SYNE1: variants seen among roughly 807,000 people sequenced by gnomAD.
SYNE1 encodes the protein spectrin repeat containing nuclear envelope protein 1.
SYNE1 carries 616 observed loss-of-function variants against 1,111.0 expected under a neutral mutation model. That is an observed-to-expected ratio of 0.55 (90% CI 0.52 to 0.59). The LOEUF is 0.59. Among genes scored for constraint, SYNE1 ranks in the 20% least tolerant of loss-of-function variants. The probability of loss-of-function intolerance (pLI) is 0.00; values close to 1 mark genes in which losing one functional copy is unlikely to be tolerated. For synonymous variants in SYNE1, 3,855 were observed against 3,825.8 expected, an observed-to-expected ratio of 1.01 and a Z score of -0.28; for missense variants, 10,006 against 10,417.0, an observed-to-expected ratio of 0.96 and a Z score of 1.72.
Position 152,139,827 on chromosome 6 carries a change from A to T in SYNE1, c.25458+123T>A, listed in dbSNP as rs2058164582. ...GGAGGTGAGGAGAGCATTCTCACTCATTTTTGTTAGATCCCTTTTCTGCTG... is the reference window on the plus strand; with the variant it reads ...GGAGGTGAGGAGAGCATTCTCACTCTTTTTTGTTAGATCCCTTTTCTGCTG... On this transcript the variant is annotated intron_variant, in intron 140 of 145. Transcript: ENST00000367255. The T allele has an allele frequency of 3.0e-6, 3 of 1,000,944 alleles. No individual in the cohort carries two copies. The Admixed American group carries it at 5.9e-5, about 20-fold the overall frequency. The allele number at this position is 1,000,944 out of a possible 1,614,324, so 62.0% of individuals were successfully genotyped here. A position where few individuals can be genotyped will look rare whatever the true frequency, so the allele number is the denominator to read the frequency against.
chr6:152,419,629 T>A lies in SYNE1; in HGVS notation c.5361A>T (p.Glu1787Asp). The A allele has an allele frequency of 6.2e-7, 1 of 1,613,712 alleles. No individual in the cohort carries two copies. The highest frequency in any genetic ancestry group is 8.5e-7 in the Non-Finnish European group (1 of 1,179,930). The change falls in exon 40 of 146, where the codon GAA (glutamate) becomes GAT (aspartate). Residue 1787 changes from glutamate (E) to aspartate (D), a missense_variant. Glu to Asp is a conservative substitution (Grantham distance 45). Coordinates refer to ENST00000367255, the MANE Select transcript of SYNE1 (RefSeq NM_182961.4). ...FSVWIKLFLSELQTTSEISIM... is the reference protein window; with the variant it reads ...FSVWIKLFLSDLQTTSEISIM... ...TGCTAATCTCAGAGGTAGTTTGTAATTCACTGAGAAACAGTTTAATCCAGA... is the reference window on the plus strand; with the variant it reads ...TGCTAATCTCAGAGGTAGTTTGTAAATCACTGAGAAACAGTTTAATCCAGA...
intron 3 of SYNE1, among the ~76,000 whole-genome samples, chr6:152,591,527 T>G (rs1263689928): frequency 1.3e-5 from 2 of 152,154 alleles, no homozygotes; most frequent in African/African-American, 2.4e-5. Context: ...TATTAAAGAT[T>G]TAAATGTAAG....
chr6:152,535,921 T>A (rs1055001005), intron 4 of SYNE1, among the ~76,000 whole-genome samples: 2 of 152,134 alleles, frequency 1.3e-5, no homozygotes, highest in Non-Finnish European at 1.5e-5. Context: ...TAACATAACT[T>A]CTTTGCCTAA....
Position 152,412,851 on chromosome 6 carries a change from A to ATTTTTT in SYNE1, c.6230+495_6230+500dup, listed in dbSNP as rs373723820. Among the ~76,000 whole-genome samples, 678 of 131,624 alleles carry ATTTTTT rather than the reference A, an allele frequency of 5.2e-3. 23 individuals are homozygous for ATTTTTT. Among genetic ancestry groups the ATTTTTT allele is most frequent in the African/African-American group, 0.015 (546 of 35,316 alleles). The allele number at this position is 131,624 out of a possible 152,430, so 86.4% of individuals were successfully genotyped here. ...CTTTAAGCATTCAATTTCACATGTA[A>ATTTTTT]TTTTTTTTTTTTTTTGGTGAGAAGG... On this transcript the variant is annotated intron_variant, in intron 42 of 145. Transcript: ENST00000367255.
chr6:152,185,378 T>C (rs1317915014), intron 128 of SYNE1: 1 of 152,270 alleles, frequency 6.6e-6, no homozygotes, highest in Non-Finnish European at 1.5e-5. Context: ...GTAGGGATAA[T>C]GTTATGTTGA....
Position 152,362,209 on chromosome 6 carries a change from C to G in SYNE1, c.10260G>C (p.Ala3420=). The change falls in exon 64 of 146, where the codon GCG becomes GCC. Residue 3420 remains alanine (A), a synonymous_variant. Coordinates refer to ENST00000367255, the MANE Select transcript of SYNE1 (RefSeq NM_182961.4). ...GCATCGTTGTTTTATCCCGCAGCTC[C>G]GCATGCTGCCTTTCTGATTCATTCA... is the stretch of plus-strand genomic sequence containing the variant. The part of the protein sequence containing the change: ...ANLNESERQH[A]ELRDKTTMLG... 6.2e-7 allele frequency: 1 copy of G among 1,614,200 alleles called. No individual in the cohort carries two copies. The highest frequency in any genetic ancestry group is 8.5e-7 in the Non-Finnish European group (1 of 1,180,040).
intron 137 of SYNE1, chr6:152,145,373 T>C (rs1736611415): frequency 1.0e-6 from 1 of 966,208 alleles, no homozygotes; most frequent in Non-Finnish European, 1.6e-6. Flanking sequence ...AGAGGAAGGC[T>C]GTGCCTTAAC....
At chr6:152,346,315 T>C (rs1362954947) in intron 73 of SYNE1, among the ~76,000 whole-genome samples, 1 of 151,904 alleles carries the variant, frequency 6.6e-6, no homozygotes, top group Non-Finnish European at 1.5e-5. Context: ...TACAGGTGCT[T>C]GCCACCACGC....
At chr6:152,155,627 A>G (rs941331774) in intron 132 of SYNE1, among the ~76,000 whole-genome samples, 1 of 152,214 alleles carries the variant, frequency 6.6e-6, no homozygotes, top group Non-Finnish European at 1.5e-5. Context: ...TCTCACAGCC[A>G]CACATTCTGT....
intron 8 of SYNE1, among the ~76,000 whole-genome samples, chr6:152,508,999 G>A (rs892724309): frequency 1.3e-5 from 2 of 151,806 alleles, no homozygotes; most frequent in Admixed American, 1.3e-4. Context: ...TATTTTATAA[G>A]TACTTGTTTA....
Position 152,164,217 on chromosome 6 carries a change from T to C in SYNE1, c.23736A>G (p.Ile7912Met). 1 of 1,614,218 alleles carries C rather than the reference T, an allele frequency of 6.2e-7. No homozygotes were observed. The change falls in exon 131 of 146, where the codon ATA becomes ATG. Residue 7912 changes from isoleucine (I) to methionine (M), a missense_variant. By Grantham distance (10) the Ile-to-Met change is conservative (BLOSUM62 1). Coordinates refer to ENST00000367255, the MANE Select transcript of SYNE1 (RefSeq NM_182961.4). ...CTTCCGAGTTACAGGAATCGTAGACTATTGGCTTGGCCAGCTCTGACTCGA... is the reference window on the plus strand; with the variant it reads ...CTTCCGAGTTACAGGAATCGTAGACCATTGGCTTGGCCAGCTCTGACTCGA... The part of the protein sequence containing the change: ...AHIESELAKP[I>M]VYDSCNSEEI...
At chr6:152,214,850 G>A (rs938684641) in intron 122 of SYNE1, 56 bp downstream of exon 122, 176 of 1,598,222 alleles carry the variant, frequency 1.1e-4, no homozygotes, top group Middle Eastern at 6.6e-4. Context: ...TTGACATAGC[G>A]GCACAAACCA....
chr6:152,533,766 T>C, intron 4 of SYNE1, among the ~76,000 whole-genome samples: 1 of 152,214 alleles, frequency 6.6e-6, no homozygotes, highest in East Asian at 1.9e-4. Context: ...GTTATTTTTT[T>C]TTCTGTTTTG....
intron 21 of SYNE1, among the ~76,000 whole-genome samples, chr6:152,459,868 C>T (rs749946145): frequency 6.6e-6 from 1 of 152,176 alleles, no homozygotes; most frequent in South Asian, 2.1e-4. Context: ...CAACATTTTG[C>T]TCTACTGTTA....
chr6:152,169,839 T>A (rs2064733872), intron 130 of SYNE1, among the ~76,000 whole-genome samples: 1 of 151,712 alleles, frequency 6.6e-6, no homozygotes, highest in African/African-American at 2.4e-5. Flanking sequence ...GCATTTTATA[T>A]AAGAAATAAA....
intron 87 of SYNE1, among the ~76,000 whole-genome samples, chr6:152,315,015 T>C (rs1442161713): frequency 6.7e-6 from 1 of 148,964 alleles, no homozygotes; most frequent in South Asian, 2.1e-4. Context: ...AAAGTCATGA[T>C]AACCTTAAGG....
chr6:152,483,876 T>C (rs532114611), intron 13 of SYNE1, among the ~76,000 whole-genome samples: 4 of 147,948 alleles, frequency 2.7e-5, no homozygotes, highest in Non-Finnish European at 4.5e-5. Context: ...GCCTATTCTT[T>C]AATGGAGTCA....
intron 128 of SYNE1, among the ~76,000 whole-genome samples, chr6:152,188,276 G>A (rs1212844426): frequency 6.6e-6 from 1 of 152,140 alleles, no homozygotes; most frequent in African/African-American, 2.4e-5. Flanking sequence ...CTGCTTCCTG[G>A]AGAACATAAC....
intron 3 of SYNE1, among the ~76,000 whole-genome samples, chr6:152,578,392 C>T (rs2099508525): frequency 6.6e-6 from 1 of 152,118 alleles, no homozygotes; most frequent in Admixed American, 6.6e-5. Context: ...GTCAGAAATT[C>T]AAGACCAGCC....
Sources: gnomAD v4.1 joint callset for allele counts (sites outside exome capture counted in the v4.1 genomes callset) on GRCh38, gnomAD v4.1.1 for gene constraint, MANE v1.5 for transcripts, NCBI Gene and HGNC (gene_info 2026-07-23, HGNC 2026-07-21) for gene names.